SNTG1: variants seen among roughly 807,000 people sequenced by gnomAD.
SNTG1 encodes the protein gamma-1-syntrophin.
SNTG1 carries 39 observed loss-of-function variants against 74.7 expected under a neutral mutation model. That is an observed-to-expected ratio of 0.52 (90% CI 0.40 to 0.68). The LOEUF (loss-of-function observed/expected upper bound fraction) is 0.68. Among genes scored for constraint, SNTG1 ranks in the 30% least tolerant of loss-of-function variants. The pLI is 0.00. For synonymous variants in SNTG1, 254 were observed against 217.1 expected (o/e 1.17, Z -1.49); for missense variants, 685 against 609.5 (o/e 1.12, Z -1.30).
chr8:50,708,965 A>T lies in SNTG1; in HGVS notation c.1271A>T (p.Asp424Val). The part of the protein sequence containing the change: ...IDFSTGFICF[D>V]AATKAVLWRY... ...TTCAGCACAGGATTTATCTGCTTTG[A>T]TGCTGCAACAAAGGTAATGTGTTCA... Residue 424 changes from aspartate to valine, a missense_variant, in exon 17 of 19, where the codon GAT becomes GTT. Transcript: ENST00000642720. 1 of 1,612,842 alleles carries T rather than the reference A, an allele frequency of 6.2e-7. No individual in the cohort carries two copies. Among genetic ancestry groups the T allele is most frequent in the Non-Finnish European group, 8.5e-7 (1 of 1,178,942 alleles).
intron 2 of SNTG1, among the ~76,000 whole-genome samples, chr8:50,247,684 T>G (rs908353329): frequency 6.6e-5 from 10 of 150,940 alleles, no homozygotes; most frequent in African/African-American, 2.4e-4. Flanking sequence ...GTTTTTAGTT[T>G]TTTTTTTTAA....
rs1822697159 is a variant in SNTG1 at position 50,084,472 on chromosome 8, T to C, written c.-102-88089T>C. Reference sequence around the variant, plus strand: ...AGACTCCATCTCAAAAAAAATAAAATAAAAAAAAGTAGACTGTAAAACTAA... The same window carrying C: ...AGACTCCATCTCAAAAAAAATAAAACAAAAAAAAGTAGACTGTAAAACTAA... On this transcript the variant is annotated intron_variant, in intron 1 of 18. Coordinates refer to ENST00000642720, the MANE Select transcript of SNTG1 (RefSeq NM_018967.5). Among the ~76,000 whole-genome samples, 3 of 151,676 alleles carry C rather than the reference T, an allele frequency of 2.0e-5. No homozygotes were observed. In the South Asian group the frequency reaches 6.2e-4, roughly 32 times the overall value.
rs182867859 is a variant in SNTG1, at chr8:50,177,222, C to G, written c.-28+4587C>G. 2.4e-3 allele frequency among the ~76,000 whole-genome samples: 370 copies of G among 152,326 alleles called. 1 individual carries two copies. Among genetic ancestry groups the G allele is most frequent in the Middle Eastern group, 0.014 (4 of 294 alleles). On this transcript the variant is annotated intron_variant, in intron 2 of 18. Transcript: ENST00000642720. Reference sequence around the variant, plus strand: ...TTACAGAAACTCTGGAGCATGGCAGCTGAAATGGTGGAGAGAGGTAGTGTC... The same window carrying G: ...TTACAGAAACTCTGGAGCATGGCAGGTGAAATGGTGGAGAGAGGTAGTGTC...
At chr8:50,441,369 A>C (rs1458585616) in intron 5 of SNTG1, among the ~76,000 whole-genome samples, 1 of 152,162 alleles carries the variant, frequency 6.6e-6, no homozygotes, top group Non-Finnish European at 1.5e-5. Context: ...GACATTGTAC[A>C]AACTTCTGGG....
chr8:50,656,803 T>C lies in SNTG1; in HGVS notation c.850-106T>C, dbSNP rs1312431340. The C allele has an allele frequency of 5.2e-6, 4 of 774,504 alleles. No homozygotes were observed. The African/African-American group carries it at 5.5e-5, about 11-fold the overall frequency. The allele number at this position is 774,504 out of a possible 1,614,324, so 48.0% of individuals were successfully genotyped here. On this transcript the variant is annotated intron_variant, in intron 13 of 18. Coordinates refer to ENST00000642720, the MANE Select transcript of SNTG1 (RefSeq NM_018967.5). ...TTTTATGTGAGTTTTTAATACTACA[T>C]GAAAAATACCTAAAATATTTTTAAT...
At chr8:50,749,701 A>G (rs778317374) in intron 17 of SNTG1, among the ~76,000 whole-genome samples, 10 of 152,004 alleles carry the variant, frequency 6.6e-5, no homozygotes, top group Non-Finnish European at 1.2e-4. Flanking sequence ...CCTGTACTCT[A>G]AATGGAATAT....
rs549071879 is a variant in SNTG1 at position 50,062,166 on chromosome 8, C to T, written c.-102-110395C>T. Among the ~76,000 whole-genome samples the T allele has an allele frequency of 8.5e-4, 130 of 152,252 alleles. 1 individual carries two copies. The highest frequency in any genetic ancestry group is 1.4e-3 in the Non-Finnish European group (95 of 68,024). ...TCAAGCGATTCTCCTGCCTCAGCCTCCTGAGTAGCTGGGAGTATAGGTGCA... is the reference window on the plus strand; with the variant it reads ...TCAAGCGATTCTCCTGCCTCAGCCTTCTGAGTAGCTGGGAGTATAGGTGCA... On this transcript the variant is annotated intron_variant, in intron 1 of 18. Coordinates refer to ENST00000642720, the MANE Select transcript of SNTG1 (RefSeq NM_018967.5).
chr8:50,580,146 C>T lies in SNTG1; in HGVS notation c.811-10733C>T, dbSNP rs143466623. Among the ~76,000 whole-genome samples, 242 of 152,326 alleles carry T rather than the reference C, an allele frequency of 1.6e-3. 1 individual carries two copies. The highest frequency in any genetic ancestry group is 5.4e-3 in the African/African-American group (225 of 41,586). ...ACATTGAGTCAAAGGAGATCATTTT[C>T]GAACCTTAAAGTTTAACAACTGCCC... On this transcript the variant is annotated intron_variant, in intron 12 of 18. Coordinates refer to ENST00000642720, the MANE Select transcript of SNTG1 (RefSeq NM_018967.5).
At chr8:50,706,103 A>C (rs2095442550) in intron 16 of SNTG1, among the ~76,000 whole-genome samples, 1 of 152,212 alleles carries the variant, frequency 6.6e-6, no homozygotes, top group Non-Finnish European at 1.5e-5. Context: ...TACCAGTATG[A>C]CATTACAATC....
intron 5 of SNTG1, among the ~76,000 whole-genome samples, chr8:50,446,614 G>A (rs1428900137): frequency 6.6e-6 from 1 of 151,968 alleles, no homozygotes; most frequent in African/African-American, 2.4e-5. Context: ...GGAAGTGGAG[G>A]TTGCAATGAG....
At chr8:50,398,725 G>C (rs1448004719) in intron 3 of SNTG1, among the ~76,000 whole-genome samples, 2 of 152,110 alleles carry the variant, frequency 1.3e-5, no homozygotes, top group Admixed American at 1.3e-4. Flanking sequence ...TCAGGCGTTC[G>C]AGACCAGCCT....
At chr8:50,393,439 G>A (rs77176388) in intron 2 of SNTG1, among the ~76,000 whole-genome samples, 1,533 of 152,168 alleles carry the variant, frequency 0.01, 29 homozygotes, top group African/African-American at 0.035. Context: ...TTACTTTGAC[G>A]TCTCATTTAC....
chr8:50,179,021 G>A (rs1485372630), intron 2 of SNTG1, among the ~76,000 whole-genome samples: 2 of 152,130 alleles, frequency 1.3e-5, no homozygotes, highest in Non-Finnish European at 2.9e-5. Flanking sequence ...TTTGTGTGTT[G>A]TATAAGAGTC....
chr8:50,668,786 C>A (rs2095263265), intron 15 of SNTG1, among the ~76,000 whole-genome samples: 1 of 151,818 alleles, frequency 6.6e-6, no homozygotes, highest in Non-Finnish European at 1.5e-5. Flanking sequence ...CCAGTTCATC[C>A]ATGTCCCTGC....
intron 4 of SNTG1, among the ~76,000 whole-genome samples, chr8:50,425,685 G>A (rs754628095): frequency 6.6e-6 from 1 of 152,136 alleles, no homozygotes; most frequent in Non-Finnish European, 1.5e-5. Flanking sequence ...TGCCAAAAAG[G>A]TTAGGGACTG....
intron 18 of SNTG1, among the ~76,000 whole-genome samples, chr8:50,766,112 G>A (rs1042985012): frequency 1.4e-4 from 21 of 151,910 alleles, no homozygotes; most frequent in Non-Finnish European, 2.2e-4. Context: ...TTCTGGTGGA[G>A]GCCACTGTCT....
chr8:50,600,595 C>T (rs2094765536), intron 13 of SNTG1, among the ~76,000 whole-genome samples: 1 of 151,954 alleles, frequency 6.6e-6, no homozygotes, highest in African/African-American at 2.4e-5. Context: ...CTCATAATAG[C>T]AAATATATAA....
intron 13 of SNTG1, among the ~76,000 whole-genome samples, chr8:50,595,454 T>C (rs1390401580): frequency 2.0e-5 from 3 of 152,100 alleles, no homozygotes; most frequent in Non-Finnish European, 2.9e-5. Flanking sequence ...CACCTAATTA[T>C]GTAAAAATTT....
At chr8:50,409,344 T>G (rs192170920) in intron 4 of SNTG1, among the ~76,000 whole-genome samples, 1 of 152,304 alleles carries the variant, frequency 6.6e-6, no homozygotes, top group Non-Finnish European at 1.5e-5. Context: ...TTTCCCCCAG[T>G]GCCTTTTATT....
Sources: gnomAD v4.1 joint callset for allele counts (sites outside exome capture counted in the v4.1 genomes callset) on GRCh38, gnomAD v4.1.1 for gene constraint, MANE v1.5 for transcripts, NCBI Gene and HGNC (gene_info 2026-07-23, HGNC 2026-07-21) for gene names.